The following MYLK4 variants were observed in gnomAD, a reference collection of about 807,000 sequenced individuals.
MYLK4 encodes caMLCK like.
In MYLK4, 46 loss-of-function variants were observed where a neutral mutation model predicts 48.1. The ratio of observed to expected loss-of-function variants is 0.96; its 90% CI spans 0.75 to 1.22. The LOEUF is 1.22. MYLK4 is among the 50% of genes most tolerant of loss of function. The pLI, the probability that MYLK4 is intolerant of heterozygous loss-of-function variation, is 0.00. For synonymous variants in MYLK4, 170 were observed against 180.8 expected, an observed-to-expected ratio of 0.94 and a Z score of 0.48; for missense variants, 451 against 486.1, an observed-to-expected ratio of 0.93 and a Z score of 0.68.
chr6:2,683,189 T>C (rs2113128275), intron 6 of MYLK4, 27 bp from the exon 7 acceptor site: 1 of 1,613,548 alleles, frequency 6.2e-7, no homozygotes, highest in East Asian at 2.2e-5. Context: ...ACTGAAACCC[T>C]CAGTCCCGAT....
chr6:2,730,371 G>A (rs907895324), intron 2 of MYLK4, among the ~76,000 whole-genome samples: 1 of 152,228 alleles, frequency 6.6e-6, no homozygotes, highest in Non-Finnish European at 1.5e-5. Flanking sequence ...GAGGAAGGAT[G>A]CAGAAACAGG....
chr6:2,727,946 C>CA (rs10716559), intron 2 of MYLK4, among the ~76,000 whole-genome samples: 1,724 of 104,796 alleles, frequency 0.016, 39 homozygotes, highest in African/African-American at 0.057. Flanking sequence ...GACTCCGTCT[C>CA]AAAAAAAAAA....
At chr6:2,765,954 A>G in the MYLK4 span, 1 of 1,433,232 alleles carries the variant, frequency 7.0e-7, no homozygotes. Flanking sequence ...CGCGAGAGCT[A>G]CGACGCGCCG....
At chr6:2,732,474 C>G (rs1763510619) in intron 2 of MYLK4, among the ~76,000 whole-genome samples, 2 of 152,176 alleles carry the variant, frequency 1.3e-5, no homozygotes, top group African/African-American at 2.4e-5. Flanking sequence ...AGTAAATCCT[C>G]TCAACTTAGC....
intron 2 of MYLK4, among the ~76,000 whole-genome samples, chr6:2,694,670 G>C (rs1761994871): frequency 6.6e-6 from 1 of 151,270 alleles, no homozygotes; most frequent in Admixed American, 6.6e-5. Context: ...TGGTGGTAGT[G>C]GTGACAGCTA....
At chr6:2,769,075 T>C in the MYLK4 span, among the ~76,000 whole-genome samples, 2,084 of 152,344 alleles carry the variant, frequency 0.014, 21 homozygotes, top group Middle Eastern at 0.034. Flanking sequence ...ATGCTTTCTC[T>C]ATCTGATAAA....
At chr6:2,677,316 C>T (rs1761117717) in intron 10 of MYLK4, among the ~76,000 whole-genome samples, 1 of 152,122 alleles carries the variant, frequency 6.6e-6, no homozygotes, top group Admixed American at 6.5e-5. Flanking sequence ...AGCTGTGTGC[C>T]AGACCCACTG....
chr6:2,757,307 C>A, the MYLK4 span, among the ~76,000 whole-genome samples: 1 of 152,050 alleles, frequency 6.6e-6, no homozygotes, highest in East Asian at 1.9e-4. Flanking sequence ...TGGTAAAAAG[C>A]ATTATAAGCA....
chr6:2,712,251 T>A (rs555258816), intron 2 of MYLK4, among the ~76,000 whole-genome samples: 1 of 152,300 alleles, frequency 6.6e-6, no homozygotes, highest in Non-Finnish European at 1.5e-5. Flanking sequence ...AAGCTATAAA[T>A]CTAAGCTGGC....
chr6:2,684,592 G>A (rs1761453530), intron 6 of MYLK4, among the ~76,000 whole-genome samples: 1 of 152,064 alleles, frequency 6.6e-6, no homozygotes, highest in Non-Finnish European at 1.5e-5. Context: ...AAATCAAAAT[G>A]TTTGACCAAA....
At chr6:2,737,012 G>A (rs1338672491) in intron 2 of MYLK4, among the ~76,000 whole-genome samples, 1 of 152,186 alleles carries the variant, frequency 6.6e-6, no homozygotes. Flanking sequence ...CATGTTCTAC[G>A]AAGCCTATGT....
the MYLK4 span, chr6:2,765,827 G>C: frequency 2.2e-5 from 30 of 1,363,582 alleles, no homozygotes; most frequent in Non-Finnish European, 2.5e-5. Context: ...GCCGCCCGGC[G>C]CCAAGAGGCG....
chr6:2,678,445 GGT>G (rs1247764942), intron 9 of MYLK4, 73 bp from the exon 10 acceptor site: 10 of 1,508,708 alleles, frequency 6.6e-6, no homozygotes, highest in Non-Finnish European at 1.8e-6. Context: ...TTGCTTTTCT[GGT>G]TGTGCCATTT....
At chr6:2,678,988 C>T (rs1761193788) in intron 9 of MYLK4, among the ~76,000 whole-genome samples, 1 of 152,136 alleles carries the variant, frequency 6.6e-6, no homozygotes, top group Non-Finnish European at 1.5e-5. Flanking sequence ...AGGCTTGAGC[C>T]ACCGCGCCAG....
chr6:2,726,756 G>A (rs1457891225), intron 2 of MYLK4, among the ~76,000 whole-genome samples: 2 of 151,980 alleles, frequency 1.3e-5, no homozygotes, highest in Non-Finnish European at 2.9e-5. Context: ...GGGATTACAG[G>A]CGCCCGCCAC....
chr6:2,767,276 T>TA, the MYLK4 span, among the ~76,000 whole-genome samples: 1 of 152,162 alleles, frequency 6.6e-6, no homozygotes, highest in Non-Finnish European at 1.5e-5. Flanking sequence ...AAGAAGTGCT[T>TA]AAATACAGGA....
At chr6:2,686,315 C>T (rs576740829) in intron 4 of MYLK4, among the ~76,000 whole-genome samples, 1 of 152,284 alleles carries the variant, frequency 6.6e-6, no homozygotes, top group African/African-American at 2.4e-5. Context: ...AGAGAGCCCA[C>T]CTTCAGATAT....
chr6:2,753,283 G>T (rs1243993965), upstream of MYLK4, among the ~76,000 whole-genome samples: 1 of 152,264 alleles, frequency 6.6e-6, no homozygotes, highest in Non-Finnish European at 1.5e-5. Flanking sequence ...TTGTCTACGG[G>T]TTGGCATTGA....
the MYLK4 span, among the ~76,000 whole-genome samples, chr6:2,762,957 A>G: frequency 6.6e-6 from 1 of 152,228 alleles, no homozygotes; most frequent in South Asian, 2.1e-4. Context: ...CCCAAACACC[A>G]GCTAATGCAA....
Sources: allele counts gnomAD v4.1 joint callset (sites outside exome capture counted in the v4.1 genomes callset), GRCh38; gene constraint gnomAD v4.1.1; transcripts MANE v1.5; gene names NCBI Gene and HGNC (gene_info 2026-07-23, HGNC 2026-07-21).